LAMA2: variants seen among roughly 807,000 people sequenced by gnomAD.
The protein encoded by LAMA2 is laminin subunit alpha-2.
Under a neutral mutation model 364.8 loss-of-function variants are expected in LAMA2, and 269 were observed. The ratio of observed to expected loss-of-function variants is 0.74; its 90% CI spans 0.67 to 0.82. The LOEUF is 0.82. LAMA2 is among the 40% of genes least tolerant of loss of function. The pLI is 0.00. For synonymous variants in LAMA2, 1,379 were observed against 1,370.6 expected, an observed-to-expected ratio of 1.01 and a Z score of -0.14; for missense variants, 3,807 against 3,873.2, an observed-to-expected ratio of 0.98 and a Z score of 0.45.
intron 1 of LAMA2, among the ~76,000 whole-genome samples, chr6:128,912,891 T>C (rs1212528607): frequency 6.6e-6 from 1 of 152,112 alleles, no homozygotes; most frequent in African/African-American, 2.4e-5. Context: ...AGAATTTCGA[T>C]GGGCAGATCA....
At chr6:129,110,116 A>T (rs939080283) in intron 4 of LAMA2, among the ~76,000 whole-genome samples, 1 of 151,944 alleles carries the variant, frequency 6.6e-6, no homozygotes, top group Non-Finnish European at 1.5e-5. Context: ...TTGCAAAAAA[A>T]AAAAAGTTCT....
At chr6:129,178,401 A>G (rs976357426) in intron 10 of LAMA2, among the ~76,000 whole-genome samples, 2 of 152,198 alleles carry the variant, frequency 1.3e-5, no homozygotes, top group African/African-American at 4.8e-5. Context: ...TTAGAAATGC[A>G]ACTTTATTTG....
At chr6:129,474,498 C>T (rs750918715) in intron 52 of LAMA2, among the ~76,000 whole-genome samples, 1 of 152,044 alleles carries the variant, frequency 6.6e-6, no homozygotes, top group African/African-American at 2.4e-5. Flanking sequence ...ACAGTTATTA[C>T]CTAGAAATTC....
At chr6:129,041,870 A>G (rs926532981) in intron 1 of LAMA2, among the ~76,000 whole-genome samples, 1 of 152,036 alleles carries the variant, frequency 6.6e-6, no homozygotes, top group African/African-American at 2.4e-5. Context: ...ACGGTGCTGC[A>G]TGCCTGTAGT....
intron 38 of LAMA2, among the ~76,000 whole-genome samples, chr6:129,402,060 T>C (rs1286163234): frequency 6.6e-6 from 1 of 151,868 alleles, no homozygotes; most frequent in African/African-American, 2.4e-5. Context: ...ATTCAAAAAA[T>C]TAGCTGGGTG....
chr6:128,973,315 T>A (rs1165227406), intron 1 of LAMA2, among the ~76,000 whole-genome samples: 1 of 152,180 alleles, frequency 6.6e-6, no homozygotes, highest in Non-Finnish European at 1.5e-5. Context: ...CTCAAAGACA[T>A]AGCCACACAT....
chr6:129,066,612 T>TGCTGAATC (rs60664204), intron 3 of LAMA2, among the ~76,000 whole-genome samples: 2 of 151,936 alleles, frequency 1.3e-5, no homozygotes, highest in Admixed American at 6.6e-5. Flanking sequence ...CCACAAAAGG[T>TGCTGAATC]GCTAAAGCAA....
At chr6:129,350,605 C>G (rs6923268) in intron 31 of LAMA2, among the ~76,000 whole-genome samples, 2 of 152,202 alleles carry the variant, frequency 1.3e-5, no homozygotes, top group Non-Finnish European at 2.9e-5. Flanking sequence ...CACCTGAAAT[C>G]ATACCCTTGA....
rs1562330896 is a variant in LAMA2 at position 129,206,090 on chromosome 6, A to AGGG, written c.1782+13237_1782+13238insGGG. ...GGGAAAGGAAAGGAAAGGAGGAAGG[A>AGGG]AGGGAGGGAGGGAGGGAGGAAGGAA... is the stretch of plus-strand genomic sequence containing the variant. On this transcript the variant is annotated intron_variant, in intron 12 of 64. Transcript: ENST00000421865. Among the ~76,000 whole-genome samples, 218 of 111,946 alleles carry AGGG rather than the reference A, an allele frequency of 1.9e-3. 2 individuals carry two copies. Among genetic ancestry groups the AGGG allele is most frequent in the South Asian group, 7.8e-3 (21 of 2,692 alleles). 73.4% of individuals were successfully genotyped at this position (111,946 alleles called of 152,430 possible). A position where few individuals can be genotyped will look rare whatever the true frequency, so the allele number is the denominator to read the frequency against.
intron 12 of LAMA2, among the ~76,000 whole-genome samples, chr6:129,216,650 A>G (rs1290430356): frequency 6.6e-6 from 1 of 152,194 alleles, no homozygotes; most frequent in Non-Finnish European, 1.5e-5. Context: ...GAAAATTATT[A>G]TATCTTTTTA....
Position 129,478,717 on chromosome 6 carries a change from T to G in LAMA2, c.7476T>G (p.Tyr2492Ter). ...KARPEVNLKKYSGCLKDIEIS... is the reference protein window; with the variant it reads ...KARPEVNLKK ...GGCCAGAAGTAAATCTGAAGAAATA[T>G]TCCGGCTGCCTCAAAGATATTGAAA... Residue 2492 changes from tyrosine (Y) to a stop codon, truncating the protein, a stop_gained, in exon 54 of 65, where the codon TAT becomes TAG. Transcript: ENST00000421865. LOFTEE classifies it high-confidence loss of function. 1 of 1,613,544 alleles carries G rather than the reference T, an allele frequency of 6.2e-7. No individual in the cohort carries two copies. The highest frequency in any genetic ancestry group is 8.5e-7 in the Non-Finnish European group (1 of 1,179,556).
At chr6:129,278,305 A>G (rs1477276165) in intron 17 of LAMA2, among the ~76,000 whole-genome samples, 1 of 152,214 alleles carries the variant, frequency 6.6e-6, no homozygotes, top group Non-Finnish European at 1.5e-5. Context: ...AACAATTGGT[A>G]TGGTTTTCTT....
At chr6:129,145,626 G>T (rs950015443) in intron 5 of LAMA2, among the ~76,000 whole-genome samples, 2 of 151,894 alleles carry the variant, frequency 1.3e-5, no homozygotes, top group South Asian at 2.1e-4. Context: ...TCTTGCAGGA[G>T]GTAGAGTGGG....
At chr6:129,164,299 A>T (rs188022653) in intron 8 of LAMA2, among the ~76,000 whole-genome samples, 2 of 152,204 alleles carry the variant, frequency 1.3e-5, no homozygotes, top group South Asian at 4.1e-4. Context: ...CCGAGATTTC[A>T]CCACACTATT....
At chr6:129,181,627 A>G (rs1472082062) in intron 10 of LAMA2, among the ~76,000 whole-genome samples, 2 of 152,102 alleles carry the variant, frequency 1.3e-5, no homozygotes, top group East Asian at 3.9e-4. Flanking sequence ...AGGATAGAAA[A>G]TCAGAAATAT....
intron 1 of LAMA2, among the ~76,000 whole-genome samples, chr6:128,913,315 A>C (rs986466442): frequency 2.5e-4 from 38 of 152,132 alleles, no homozygotes; most frequent in African/African-American, 8.9e-4. Flanking sequence ...AGCCCATGAA[A>C]ACACACCCCA....
Position 129,453,147 on chromosome 6 carries a change from A to G in LAMA2, c.6573+16A>G, listed in dbSNP as rs1158550110. 1 of 1,608,320 alleles carries G rather than the reference A, an allele frequency of 6.2e-7. No individual in the cohort carries two copies. On this transcript the variant is annotated intron_variant, in intron 46 of 64. Transcript: ENST00000421865. Reference sequence around the variant, plus strand: ...TGCCAAATTTGTAAGTCTAATATTCAACTTTTCATTAGGCTGCTGTATGTG... The same window carrying G: ...TGCCAAATTTGTAAGTCTAATATTCGACTTTTCATTAGGCTGCTGTATGTG...
chr6:129,283,248 A>C (rs1788855539), intron 18 of LAMA2, among the ~76,000 whole-genome samples: 1 of 152,158 alleles, frequency 6.6e-6, no homozygotes, highest in South Asian at 2.1e-4. Context: ...AAGAGACAGA[A>C]TCTTGAAGGG....
intron 37 of LAMA2, among the ~76,000 whole-genome samples, chr6:129,398,738 T>A (rs1779800968): frequency 6.6e-6 from 1 of 152,110 alleles, no homozygotes; most frequent in Non-Finnish European, 1.5e-5. Flanking sequence ...CCTCCCAAAG[T>A]GCTGGGATAA....
Sources: gnomAD v4.1 joint callset for allele counts (sites outside exome capture counted in the v4.1 genomes callset) on GRCh38, gnomAD v4.1.1 for gene constraint, MANE v1.5 for transcripts, NCBI Gene and HGNC (gene_info 2026-07-23, HGNC 2026-07-21) for gene names.